The following ZBBX variants were observed in gnomAD, a reference collection of about 807,000 sequenced individuals.
The protein encoded by ZBBX is zinc finger B-box domain-containing protein 1.
A neutral mutation model predicts 108.5 loss-of-function variants in ZBBX; 101 were observed. The observed-to-expected ratio is 0.93, with a 90% CI of 0.79 to 1.10. The LOEUF (loss-of-function observed/expected upper bound fraction) is 1.10, where lower values mean the gene tolerates loss of function less well. ZBBX is among the 50% of genes least tolerant of loss of function. The pLI is 0.00. For synonymous variants in ZBBX, 356 were observed against 323.4 expected, an observed-to-expected ratio of 1.10 and a Z score of -1.08; for missense variants, 1,009 against 941.4, an observed-to-expected ratio of 1.07 and a Z score of -0.94.
chr3:167,394,590 A>G (rs1387994729), intron 1 of ZBBX, among the ~76,000 whole-genome samples: 1 of 151,936 alleles, frequency 6.6e-6, no homozygotes, highest in Non-Finnish European at 1.5e-5. Context: ...AGAGGTAAGA[A>G]TCTAATATTC....
intron 1 of ZBBX, among the ~76,000 whole-genome samples, chr3:167,404,261 T>C (rs1428318086): frequency 6.6e-6 from 1 of 152,142 alleles, no homozygotes; most frequent in Non-Finnish European, 1.5e-5. Context: ...CTACTTATAA[T>C]AGAGCTTAAA....
At chr3:167,210,309 A>G in the ZBBX span, among the ~76,000 whole-genome samples, 1 of 152,152 alleles carries the variant, frequency 6.6e-6, no homozygotes, top group South Asian at 2.1e-4. Context: ...ATCAAAAAGA[A>G]GAAAAAAATA....
chr3:167,309,862 C>T (rs1365368463), intron 16 of ZBBX, among the ~76,000 whole-genome samples: 2 of 152,200 alleles, frequency 1.3e-5, no homozygotes, highest in Admixed American at 6.5e-5. Flanking sequence ...CGAATTTCTC[C>T]CCAAAGAATG....
chr3:167,188,986 T>C, the ZBBX span, among the ~76,000 whole-genome samples: 1 of 152,200 alleles, frequency 6.6e-6, no homozygotes, highest in South Asian at 2.1e-4. Context: ...ACTTTACCTA[T>C]CTTATGAAGG....
chr3:167,401,595 C>T (rs1017723373), intron 1 of ZBBX, among the ~76,000 whole-genome samples: 1 of 152,154 alleles, frequency 6.6e-6, no homozygotes, highest in African/African-American at 2.4e-5. Context: ...CCTGATGTTG[C>T]CATGTCATCT....
chr3:167,231,749 T>C, the ZBBX span, among the ~76,000 whole-genome samples: 5 of 151,766 alleles, frequency 3.3e-5, no homozygotes, highest in African/African-American at 1.2e-4. Context: ...GCCTCCTTTT[T>C]AAACAAGTTT....
At chr3:167,214,638 G>C in the ZBBX span, among the ~76,000 whole-genome samples, 5 of 152,078 alleles carry the variant, frequency 3.3e-5, no homozygotes, top group African/African-American at 1.2e-4. Context: ...AGAACAAATG[G>C]ATCTGATTGA....
intron 20 of ZBBX, among the ~76,000 whole-genome samples, chr3:167,277,714 C>T (rs1727889353): frequency 1.3e-5 from 2 of 151,984 alleles, no homozygotes; most frequent in African/African-American, 2.4e-5. Context: ...AACAAGGATA[C>T]CCAGGAATTG....
chr3:167,368,412 T>A (rs989981970), intron 5 of ZBBX, 49 bp downstream of exon 5: 1 of 1,304,130 alleles, frequency 7.7e-7, no homozygotes, highest in South Asian at 1.2e-5. Flanking sequence ...AAATAGTTCT[T>A]TATATAATTT....
intron 20 of ZBBX, among the ~76,000 whole-genome samples, chr3:167,273,921 A>G (rs1413262760): frequency 1.3e-5 from 2 of 152,246 alleles, no homozygotes; most frequent in Non-Finnish European, 2.9e-5. Context: ...ACTATTAATA[A>G]AAATGTAGAT....
chr3:167,277,724 G>C (rs1177841328), intron 20 of ZBBX, among the ~76,000 whole-genome samples: 4 of 152,016 alleles, frequency 2.6e-5, no homozygotes, highest in Non-Finnish European at 4.4e-5. Context: ...CCCAGGAATT[G>C]AACTCAGCTC....
the ZBBX span, among the ~76,000 whole-genome samples, chr3:167,184,711 A>T: frequency 2.0e-5 from 3 of 152,052 alleles, no homozygotes; most frequent in Non-Finnish European, 2.9e-5. Context: ...CGAAAGCAGT[A>T]CCAGCAGGAA....
intron 20 of ZBBX, chr3:167,252,061 G>A: frequency 9.7e-7 from 1 of 1,033,300 alleles, no homozygotes; most frequent in Non-Finnish European, 1.3e-6. Flanking sequence ...GCCCTTCTCA[G>A]GTACTTCTAG....
intron 20 of ZBBX, among the ~76,000 whole-genome samples, chr3:167,276,406 G>A (rs1727586403): frequency 6.6e-6 from 1 of 152,214 alleles, no homozygotes; most frequent in Non-Finnish European, 1.5e-5. Context: ...AGGAGCTGAT[G>A]GAGCTGAAAA....
chr3:167,200,336 T>A, the ZBBX span, among the ~76,000 whole-genome samples: 14 of 152,134 alleles, frequency 9.2e-5, no homozygotes, highest in Non-Finnish European at 1.9e-4. Flanking sequence ...ACACTAAATA[T>A]TTTGATTTGA....
intron 14 of ZBBX, 121 bp downstream of exon 14, chr3:167,316,884 T>C (rs976831614): frequency 7.6e-6 from 4 of 527,758 alleles, no homozygotes; most frequent in Non-Finnish European, 1.3e-5. Context: ...ACTTGTAAAT[T>C]TCCTATTAAA....
At chr3:167,241,395 T>C (rs1720646500) in intron 21 of ZBBX, among the ~76,000 whole-genome samples, 1 of 152,204 alleles carries the variant, frequency 6.6e-6, no homozygotes, top group South Asian at 2.1e-4. Flanking sequence ...TTATTTTATT[T>C]TGTTGCATTT....
At chr3:167,197,992 T>C in the ZBBX span, among the ~76,000 whole-genome samples, 1 of 152,228 alleles carries the variant, frequency 6.6e-6, no homozygotes, top group Non-Finnish European at 1.5e-5. Flanking sequence ...TTACAGGCTA[T>C]TTTACAAAAA....
chr3:167,278,398 T>TA (rs1728090932), intron 20 of ZBBX, among the ~76,000 whole-genome samples: 1 of 142,784 alleles, frequency 7.0e-6, no homozygotes, highest in African/African-American at 2.6e-5. Flanking sequence ...ATAGACGCAA[T>TA]AAAAAATGAT....
Sources: gnomAD v4.1 joint callset for allele counts (sites outside exome capture counted in the v4.1 genomes callset) on GRCh38, gnomAD v4.1.1 for gene constraint, MANE v1.5 for transcripts, NCBI Gene and HGNC (gene_info 2026-07-23, HGNC 2026-07-21) for gene names.